CACNG3: variants seen among roughly 807,000 people sequenced by gnomAD.
CACNG3 encodes the protein calcium voltage-gated channel auxiliary subunit gamma 3, also known as voltage-dependent calcium channel gamma-3 subunit.
In CACNG3, 3 loss-of-function variants were observed where a neutral mutation model predicts 28.5. The ratio of observed to expected loss-of-function variants is 0.11; its 90% CI spans 0.05 to 0.27. The LOEUF (loss-of-function observed/expected upper bound fraction) is 0.27. Ranked by LOEUF, CACNG3 falls within the 10% of genes least tolerant of loss-of-function variation. The pLI is 1.00. For missense variants in CACNG3, 236 were observed against 414.4 expected (o/e 0.57, Z 3.74); for synonymous variants, 174 against 162.2 (o/e 1.07, Z -0.55).
chr16:24,268,699 A>G (rs779052378), intron 1 of CACNG3, among the ~76,000 whole-genome samples: 1 of 152,246 alleles, frequency 6.6e-6, no homozygotes, highest in Non-Finnish European at 1.5e-5. Flanking sequence ...AGTGAGAAGA[A>G]CAGGGAGTCT....
At chr16:24,333,044 G>A (rs1462380106) in intron 1 of CACNG3, among the ~76,000 whole-genome samples, 1 of 152,164 alleles carries the variant, frequency 6.6e-6, no homozygotes, top group African/African-American at 2.4e-5. Context: ...GGATTAACAG[G>A]AGCCCTTAGG....
At chr16:24,345,217 C>T (rs761651064) in intron 1 of CACNG3, among the ~76,000 whole-genome samples, 3 of 152,186 alleles carry the variant, frequency 2.0e-5, no homozygotes, top group Non-Finnish European at 2.9e-5. Flanking sequence ...GATTCCGAAC[C>T]TTGTCCGTTT....
intron 1 of CACNG3, among the ~76,000 whole-genome samples, chr16:24,333,162 T>C (rs1899654382): frequency 6.6e-6 from 1 of 152,156 alleles, no homozygotes; most frequent in South Asian, 2.1e-4. Flanking sequence ...GATTTCATAC[T>C]GGACTACCAC....
chr16:24,360,679 G>A (rs919422808), intron 3 of CACNG3, among the ~76,000 whole-genome samples: 1 of 152,118 alleles, frequency 6.6e-6, no homozygotes, highest in Non-Finnish European at 1.5e-5. Context: ...ATCTAAACCT[G>A]GATTCTCTGC....
intron 1 of CACNG3, among the ~76,000 whole-genome samples, chr16:24,344,799 C>A (rs1338097647): frequency 6.6e-6 from 1 of 152,164 alleles, no homozygotes; most frequent in East Asian, 1.9e-4. Flanking sequence ...ATATATGACA[C>A]TCTTATTTTT....
At chr16:24,319,599 T>C (rs1367838837) in intron 1 of CACNG3, among the ~76,000 whole-genome samples, 1 of 81,836 alleles carries the variant, frequency 1.2e-5, no homozygotes, top group Non-Finnish European at 2.8e-5. Context: ...GGCTTTTATT[T>C]ATTTATTTAT....
At chr16:24,272,788 T>G (rs1157295702) in intron 1 of CACNG3, among the ~76,000 whole-genome samples, 1 of 152,216 alleles carries the variant, frequency 6.6e-6, no homozygotes, top group African/African-American at 2.4e-5. Flanking sequence ...AGAAGTCCAC[T>G]TTATTCTTTT....
chr16:24,306,968 G>C (rs1899193454), intron 1 of CACNG3, among the ~76,000 whole-genome samples: 1 of 152,164 alleles, frequency 6.6e-6, no homozygotes, highest in Non-Finnish European at 1.5e-5. Flanking sequence ...TCACAGTTGA[G>C]TGCCGCTCCG....
At chr16:24,298,062 T>G (rs1012253419) in intron 1 of CACNG3, among the ~76,000 whole-genome samples, 15 of 152,056 alleles carry the variant, frequency 9.9e-5, no homozygotes, top group Non-Finnish European at 1.3e-4. Flanking sequence ...CATTATTCAC[T>G]ATAGAAAATT....
intron 1 of CACNG3, among the ~76,000 whole-genome samples, chr16:24,316,870 G>A (rs899056930): frequency 2.6e-5 from 4 of 152,220 alleles, no homozygotes; most frequent in South Asian, 2.1e-4. Context: ...AAAGACCTTT[G>A]TTCAAATTCC....
chr16:24,263,943 G>A (rs1454952574), intron 1 of CACNG3, among the ~76,000 whole-genome samples: 1 of 152,196 alleles, frequency 6.6e-6, no homozygotes, highest in East Asian at 1.9e-4. Context: ...CATTCATAAT[G>A]ATTGAGTGCT....
chr16:24,302,555 A>G (rs1269010540), intron 1 of CACNG3, among the ~76,000 whole-genome samples: 2 of 152,138 alleles, frequency 1.3e-5, no homozygotes, highest in South Asian at 2.1e-4. Context: ...CCTGGGCTCA[A>G]GCCATCTTCC....
intron 1 of CACNG3, among the ~76,000 whole-genome samples, chr16:24,335,721 C>T (rs1301300807): frequency 6.6e-6 from 1 of 152,064 alleles, no homozygotes; most frequent in Non-Finnish European, 1.5e-5. Flanking sequence ...ACCCAAAGAG[C>T]CCTTACCCAA....
At chr16:24,307,063 T>C (rs1252248681) in intron 1 of CACNG3, among the ~76,000 whole-genome samples, 1 of 152,148 alleles carries the variant, frequency 6.6e-6, no homozygotes, top group East Asian at 1.9e-4. Flanking sequence ...AGCTGGGCAG[T>C]ATGAGGGTAT....
intron 1 of CACNG3, among the ~76,000 whole-genome samples, chr16:24,260,693 C>A (rs1213786229): frequency 6.6e-6 from 1 of 152,214 alleles, no homozygotes; most frequent in Non-Finnish European, 1.5e-5. Flanking sequence ...TGTGCCTGTG[C>A]AGCATCAGCA....
chr16:24,306,176 C>A (rs552060916), intron 1 of CACNG3, among the ~76,000 whole-genome samples: 6 of 152,316 alleles, frequency 3.9e-5, no homozygotes, highest in African/African-American at 9.6e-5. Context: ...CTTGTCACAC[C>A]AGTGGGCTTT....
At chr16:24,318,922 C>G (rs1276621311) in intron 1 of CACNG3, among the ~76,000 whole-genome samples, 2 of 152,160 alleles carry the variant, frequency 1.3e-5, no homozygotes, top group African/African-American at 4.8e-5. Flanking sequence ...GGCATCCGGA[C>G]AAGGCATTAA....
chr16:24,312,959 A>AAGAAAGAAAG (rs1297026328), intron 1 of CACNG3, among the ~76,000 whole-genome samples: 10 of 139,740 alleles, frequency 7.2e-5, no homozygotes, highest in East Asian at 2.1e-4. Context: ...AAGAAAGAGA[A>AAGAAAGAAAG]AGAAAGAAAA....
rs545840671 is a variant in CACNG3 at position 24,335,867 on chromosome 16, G to A, written c.212-10867G>A. 2.8e-3 allele frequency among the ~76,000 whole-genome samples: 431 copies of A among 152,214 alleles called. 2 individuals are homozygous for A. The highest frequency in any genetic ancestry group is 9.4e-3 in the African/African-American group (392 of 41,520). On this transcript the variant is annotated intron_variant, in intron 1 of 3. Transcript: ENST00000005284. ...AGGCAGGCAGATCACTTGAGGCCAGGAGTTGGAGACCAGCCTAGCCAACAT... is the reference window on the plus strand; with the variant it reads ...AGGCAGGCAGATCACTTGAGGCCAGAAGTTGGAGACCAGCCTAGCCAACAT...
Sources: gnomAD v4.1 joint callset for allele counts (sites outside exome capture counted in the v4.1 genomes callset) on GRCh38, gnomAD v4.1.1 for gene constraint, MANE v1.5 for transcripts, NCBI Gene and HGNC (gene_info 2026-07-23, HGNC 2026-07-21) for gene names.